Variants in CD226 observed in about 807,000 individuals in gnomAD.
CD226 encodes CD226 molecule.
A neutral mutation model predicts 34.9 loss-of-function variants in CD226; 24 were observed. That is an observed-to-expected ratio of 0.69 (90% confidence interval 0.50 to 0.97). The LOEUF (loss-of-function observed/expected upper bound fraction) is 0.97. Among genes scored for constraint, CD226 ranks in the 50% least tolerant of loss-of-function variants. CD226 has a pLI of 0.00. For synonymous variants in CD226, 148 were observed against 147.4 expected, an observed-to-expected ratio of 1.00 and a Z score of -0.03; for missense variants, 397 against 412.7, an observed-to-expected ratio of 0.96 and a Z score of 0.33.
At chr18:69,874,898 A>G (rs1245397242) in intron 3 of CD226, among the ~76,000 whole-genome samples, 1 of 152,160 alleles carries the variant, frequency 6.6e-6, no homozygotes, top group Non-Finnish European at 1.5e-5. Context: ...CCTGTCACAC[A>G]TGATATGATT....
intron 2 of CD226, among the ~76,000 whole-genome samples, chr18:69,915,001 C>T (rs1015017494): frequency 6.6e-6 from 1 of 152,128 alleles, no homozygotes; most frequent in African/African-American, 2.4e-5. Flanking sequence ...GAAACAGTAT[C>T]GTTAATGATT....
At chr18:69,864,572 C>T (rs1321230087) in intron 5 of CD226, 133 bp from the exon 6 acceptor site, 12 of 836,830 alleles carry the variant, frequency 1.4e-5, no homozygotes, top group Non-Finnish European at 2.0e-5. Flanking sequence ...TTTGATAAAA[C>T]ATTCTCATTG....
chr18:69,928,413 G>A (rs540154631), intron 2 of CD226, among the ~76,000 whole-genome samples: 111 of 152,222 alleles, frequency 7.3e-4, no homozygotes, highest in African/African-American at 2.6e-3. Flanking sequence ...GACAGGAGGC[G>A]GTGAGGGAGA....
upstream of CD226, among the ~76,000 whole-genome samples, chr18:69,948,500 AG>A (rs1457687688): frequency 6.6e-6 from 1 of 152,230 alleles, no homozygotes; most frequent in Non-Finnish European, 1.5e-5. Flanking sequence ...TCAGTCTCAA[AG>A]TGTATCAGCA....
chr18:69,934,806 C>A (rs555288870), intron 2 of CD226, among the ~76,000 whole-genome samples: 1 of 152,268 alleles, frequency 6.6e-6, no homozygotes, highest in Non-Finnish European at 1.5e-5. Flanking sequence ...ATTAAAACTG[C>A]TCAGGAGTAA....
At chr18:69,924,692 CAAAAA>C (rs56118102) in intron 2 of CD226, among the ~76,000 whole-genome samples, 1 of 57,126 alleles carries the variant, frequency 1.8e-5, no homozygotes, top group South Asian at 8.3e-4. Flanking sequence ...AAGGTATTGC[CAAAAA>C]AAAAAAAAAA....
At chr18:69,871,376 A>T (rs925545746) in intron 4 of CD226, among the ~76,000 whole-genome samples, 4 of 152,364 alleles carry the variant, frequency 2.6e-5, no homozygotes, top group African/African-American at 9.6e-5. Context: ...GTTTTAGTTT[A>T]ATTAGACAAA....
chr18:69,918,860 G>A (rs2055417011), intron 2 of CD226, among the ~76,000 whole-genome samples: 1 of 152,166 alleles, frequency 6.6e-6, no homozygotes, highest in South Asian at 2.1e-4. Context: ...GGCCTGGACT[G>A]TTGCCCAATA....
chr18:69,954,893 ATT>A (rs1328157445), intron 1 of CD226, among the ~76,000 whole-genome samples: 1 of 152,146 alleles, frequency 6.6e-6, no homozygotes, highest in African/African-American at 2.4e-5. Context: ...CGCTTGAGCT[ATT>A]TTTGTTGTGT....
At chr18:69,890,602 T>C (rs1984837162) in intron 3 of CD226, among the ~76,000 whole-genome samples, 1 of 152,076 alleles carries the variant, frequency 6.6e-6, no homozygotes, top group Non-Finnish European at 1.5e-5. Flanking sequence ...GAAAAAAACA[T>C]AGACATTGAG....
At chr18:69,948,631 A>C (rs2055820389), upstream of CD226, among the ~76,000 whole-genome samples, 1 of 152,340 alleles carries the variant, frequency 6.6e-6, no homozygotes, top group Non-Finnish European at 1.5e-5. Context: ...GCATGGTGTC[A>C]CCTTGTGTTT....
rs114727863 is a variant in CD226 at position 69,921,305 on chromosome 18, C to T, written c.383-25260G>A. 3.6e-3 allele frequency among the ~76,000 whole-genome samples: 555 copies of T among 152,250 alleles called. 2 individuals carry two copies. Among genetic ancestry groups the T allele is most frequent in the African/African-American group, 0.012 (508 of 41,530 alleles). On this transcript the variant is annotated intron_variant, in intron 2 of 5. Transcript: ENST00000582621. ...ACCTCTCTTGTCCACGCCTCCATGC[C>T]CCGTGCAGGTTGTTCTGTCTGCTGA...
At chr18:69,960,065 C>T (rs1430817713), upstream of CD226, among the ~76,000 whole-genome samples, 4 of 151,866 alleles carry the variant, frequency 2.6e-5, no homozygotes, top group Non-Finnish European at 5.9e-5. Flanking sequence ...TATGGTGAAA[C>T]CCCGTCTCTA....
At chr18:69,959,113 C>T (rs775167747), upstream of CD226, among the ~76,000 whole-genome samples, 1 of 152,178 alleles carries the variant, frequency 6.6e-6, no homozygotes, top group Non-Finnish European at 1.5e-5. Flanking sequence ...ATGGTAACTA[C>T]AGAATTTTAC....
At chr18:69,907,733 C>G (rs1481040514) in intron 2 of CD226, among the ~76,000 whole-genome samples, 1 of 152,102 alleles carries the variant, frequency 6.6e-6, no homozygotes, top group Admixed American at 6.5e-5. Flanking sequence ...TAAGAGGGTA[C>G]AAAACCTCAG....
At chr18:69,901,503 T>C (rs1188011921) in intron 2 of CD226, among the ~76,000 whole-genome samples, 1 of 152,212 alleles carries the variant, frequency 6.6e-6, no homozygotes, top group Non-Finnish European at 1.5e-5. Context: ...TCGGCGAAGC[T>C]ATATACTGGT....
At chr18:69,933,088 G>T (rs990490041) in intron 2 of CD226, among the ~76,000 whole-genome samples, 2 of 152,176 alleles carry the variant, frequency 1.3e-5, no homozygotes, top group African/African-American at 4.8e-5. Context: ...CTCCCTCACT[G>T]CAGGGCCACA....
At chr18:69,908,452 A>G (rs1015068823) in intron 2 of CD226, among the ~76,000 whole-genome samples, 4 of 152,218 alleles carry the variant, frequency 2.6e-5, no homozygotes, top group African/African-American at 4.8e-5. Context: ...GTTAAGCACA[A>G]TCTCAAAGAA....
At chr18:69,875,155 T>G (rs919007082) in intron 3 of CD226, among the ~76,000 whole-genome samples, 1 of 152,210 alleles carries the variant, frequency 6.6e-6, no homozygotes, top group African/African-American at 2.4e-5. Context: ...ATTTTATTTT[T>G]GGGACAGAGT....
Sources: allele counts gnomAD v4.1 joint callset (sites outside exome capture counted in the v4.1 genomes callset), GRCh38; gene constraint gnomAD v4.1.1; transcripts MANE v1.5; gene names NCBI Gene and HGNC (gene_info 2026-07-23, HGNC 2026-07-21).